PITRM1: variants seen among roughly 807,000 people sequenced by gnomAD.
PITRM1 encodes the protein presequence protease, mitochondrial.
In PITRM1, 100 loss-of-function variants were observed where a neutral mutation model predicts 129.9. The ratio of observed to expected loss-of-function variants is 0.77; its 90% CI spans 0.65 to 0.91. The LOEUF (loss-of-function observed/expected upper bound fraction) is 0.91. Among genes scored for constraint, PITRM1 ranks in the 40% least tolerant of loss-of-function variants. PITRM1 has a pLI of 0.00. For synonymous variants in PITRM1, 591 were observed against 508.8 expected, an observed-to-expected ratio of 1.16 and a Z score of -2.17; for missense variants, 1,471 against 1,318.3, an observed-to-expected ratio of 1.12 and a Z score of -1.79.
Position 3,156,832 on chromosome 10 carries a change from G to T in PITRM1, c.1482+98C>A. On this transcript the variant is annotated intron_variant, in intron 13 of 26. Coordinates refer to ENST00000224949, the MANE Select transcript of PITRM1 (RefSeq NM_014889.4). ...TTAGAAATTAAGTCACCCATTAACA[G>T]AAATTACTTAAATGTATAGATTATG... 4.0e-6 allele frequency: 3 copies of T among 745,608 alleles called. No individual in the cohort carries two copies. In the East Asian group the frequency reaches 9.7e-5, roughly 24 times the overall value. 46.2% of individuals were successfully genotyped at this position (745,608 alleles called of 1,614,324 possible).
rs748128904 is a variant in PITRM1 at position 3,160,269 on chromosome 10, G to C, written c.853C>G (p.Leu285Val). 1 of 1,613,718 alleles carries C rather than the reference G, an allele frequency of 6.2e-7. No homozygotes were observed. ...GGTTCAATTTTCTGGAATTTGCTCA[G>C]TGCTTCCTCGTGAATTTGTTTCAGA... ...QHLKQIHEEA[L>V]SKFQKIEPST... Residue 285 changes from leucine to valine, a missense_variant, in exon 8 of 27, where the codon CTG becomes GTG. Transcript: ENST00000224949.
rs112556710 is a variant in PITRM1 at position 3,167,301 on chromosome 10, G to A, written c.160-259C>T. ...AGAGAGAGAGAGCGAGCGAGCGAGC[G>A]AGCGCGAGAGCGCACGCGCTTACTA... On this transcript the variant is annotated intron_variant, in intron 2 of 26. Transcript: ENST00000224949. Among the ~76,000 whole-genome samples, 738 of 152,316 alleles carry A rather than the reference G, an allele frequency of 4.8e-3. 6 individuals are homozygous for A. The highest frequency in any genetic ancestry group is 0.017 in the African/African-American group (698 of 41,568).
chr10:3,165,368 C>T (rs764829882), intron 5 of PITRM1, 34 bp from the exon 6 acceptor site: 2 of 1,597,754 alleles, frequency 1.3e-6, no homozygotes, highest in Admixed American at 1.7e-5. Context: ...GATAGTGACT[C>T]AAATACTAAA....
chr10:3,172,667 T>A, intron 1 of PITRM1, 50 bp downstream of exon 1: 1 of 1,503,802 alleles, frequency 6.6e-7, no homozygotes. Context: ...CCCTGGACCC[T>A]CCCCTCCCGG....
chr10:3,160,524 T>C (rs1842357594), intron 7 of PITRM1, among the ~76,000 whole-genome samples, 194 bp from the exon 8 acceptor site: 1 of 152,080 alleles, frequency 6.6e-6, no homozygotes, highest in African/African-American at 2.4e-5. Context: ...TGTAACTTAT[T>C]ACAGTATATT....
intron 21 of PITRM1, among the ~76,000 whole-genome samples, chr10:3,144,751 G>C (rs7097793): frequency 0.19 from 28,374 of 152,152 alleles, 3,247 homozygotes; most frequent in Non-Finnish European, 0.26. Context: ...GCTACAGCTA[G>C]TTGTAATGGC....
rs1396890868 is a variant in PITRM1 at position 3,150,470 on chromosome 10, G to A, written c.1739-717C>T. ...CAAGCGCTGTCAGAAGACAAAAGGTGGGCTGGAGACGCTTCACAGGACACA... is the reference window on the plus strand; with the variant it reads ...CAAGCGCTGTCAGAAGACAAAAGGTAGGCTGGAGACGCTTCACAGGACACA... On this transcript the variant is annotated intron_variant, in intron 15 of 26. Coordinates refer to ENST00000224949, the MANE Select transcript of PITRM1 (RefSeq NM_014889.4). Among the ~76,000 whole-genome samples, 11 of 152,138 alleles carry A rather than the reference G, an allele frequency of 7.2e-5. No individual in the cohort carries two copies. The East Asian group carries it at 1.7e-3, about 24-fold the overall frequency.
intron 24 of PITRM1, among the ~76,000 whole-genome samples, chr10:3,139,626 GCTACCTACGTATCTACCTACATGCCTGC>G (rs1229004407): frequency 1.3e-5 from 2 of 152,176 alleles, no homozygotes; most frequent in Non-Finnish European, 2.9e-5. Flanking sequence ...AGTGGCAATG[GCTACCTACGTATCTACCTACATGCCTGC>G]CTACCTACCT....
At chr10:3,169,552 C>G (rs1472217958) in intron 2 of PITRM1, among the ~76,000 whole-genome samples, 2 of 152,196 alleles carry the variant, frequency 1.3e-5, no homozygotes, top group African/African-American at 2.4e-5. Flanking sequence ...ATACATGAAG[C>G]GTGTCATTTT....
rs778829756 is a variant in PITRM1 at position 3,163,871 on chromosome 10, CCT to C, written c.643_644del (p.Arg215AspfsTer13). The C allele has an allele frequency of 1.9e-6, 3 of 1,604,218 alleles. No homozygotes were observed. On this transcript the variant is annotated frameshift_variant, in exon 7 of 27. Coordinates refer to ENST00000224949, the MANE Select transcript of PITRM1 (RefSeq NM_014889.4). LOFTEE classifies it high-confidence loss of function. Reference protein sequence around the residue: ...EMKGAFTDNERIFSQHLQNRL... With the variant: ...EMKGAFTDNEXIFSQHLQNRL... ...TGTTCTGAAGGTGCTGGGAGAATAT[CCT>C]CTCATTGTCTGTCTTGAAACGTAAA...
chr10:3,160,605 C>T (rs899813502), intron 7 of PITRM1, among the ~76,000 whole-genome samples: 3 of 152,056 alleles, frequency 2.0e-5, no homozygotes, highest in East Asian at 1.9e-4. Flanking sequence ...ATAAATTCAA[C>T]GTTCATTCAC....
At chr10:3,140,990 G>A (rs555947054) in intron 23 of PITRM1, among the ~76,000 whole-genome samples, 178 bp from the exon 24 acceptor site, 17 of 152,282 alleles carry the variant, frequency 1.1e-4, no homozygotes, top group African/African-American at 4.1e-4. Flanking sequence ...TCGCCAGGCT[G>A]GAGTGCATTA....
intron 23 of PITRM1, 105 bp downstream of exon 23, chr10:3,143,284 G>T: frequency 1.4e-6 from 1 of 711,010 alleles, no homozygotes; most frequent in Non-Finnish European, 2.5e-6. Context: ...CTCAGAGTCA[G>T]CACAGACTTT....
In PITRM1 at chr10:3,165,330, C is replaced by T; in HGVS notation, c.538G>A (p.Glu180Lys). The change falls in exon 6 of 27, where the codon GAA becomes AAA. Residue 180 changes from glutamate to lysine, a missense_variant. By Grantham distance (56) the Glu-to-Lys change is moderately conservative. Coordinates refer to ENST00000224949, the MANE Select transcript of PITRM1 (RefSeq NM_014889.4). Reference protein sequence around the residue: ...PCLRELDFWQEGWRLEHENPS... With the variant: ...PCLRELDFWQKGWRLEHENPS... The stretch of plus-strand genomic sequence containing the variant: ...TTCTCATGTTCCAGCCGCCATCCTT[C>T]CTGCCTGAGGACAAATCATTATAAG... 4 of 1,592,888 alleles carry T rather than the reference C, an allele frequency of 2.5e-6. No homozygotes were observed. The highest frequency in any genetic ancestry group is 3.4e-6 in the Non-Finnish European group (4 of 1,169,748).
At chr10:3,172,095 G>C (rs1843419254) in intron 1 of PITRM1, 1 of 424,424 alleles carries the variant, frequency 2.4e-6, no homozygotes, top group African/African-American at 2.1e-5. Context: ...GACATGATAG[G>C]AAACTCCTGA....
At position 3,158,131 on chromosome 10, in the gene PITRM1, C is replaced by A; in HGVS notation, c.1159G>T (p.Ala387Ser). 1 of 1,604,708 alleles carries A rather than the reference C, an allele frequency of 6.2e-7. No homozygotes were observed. Residue 387 changes from alanine to serine, a missense_variant, in exon 11 of 27, where the codon GCC becomes TCC. Coordinates refer to ENST00000224949, the MANE Select transcript of PITRM1 (RefSeq NM_014889.4). The part of the protein sequence containing the change: ...DVGYNGYTRE[A>S]YFSVGLQGIA... ...CCTTGGAGGCCGACACTAAAGTAGG[C>A]CTCCCTCGTGTAGCCATTATATCTA...
At chr10:3,143,329 G>T in intron 23 of PITRM1, 60 bp downstream of exon 23, 1 of 1,081,170 alleles carries the variant, frequency 9.2e-7, no homozygotes, top group Non-Finnish European at 1.4e-6. Context: ...AACTCGAACA[G>T]CCTTGACAAG....
chr10:3,150,058 G>A (rs1423922067), intron 15 of PITRM1, among the ~76,000 whole-genome samples: 1 of 151,922 alleles, frequency 6.6e-6, no homozygotes, highest in African/African-American at 2.4e-5. Flanking sequence ...CTGACCAGGT[G>A]CCCCCGAGAC....
In PITRM1 at chr10:3,144,281, G is replaced by A. The variant is rs1353848364; in HGVS notation, c.2532+11C>T. ...CACCCGCTGGCAACCCGGATGGGCT[G>A]TGGTTCTTACCATGACCAGCTTCCT... is the stretch of plus-strand genomic sequence containing the variant. On this transcript the variant is annotated intron_variant, in intron 22 of 26. Transcript: ENST00000224949. 5.9e-6 allele frequency: 9 copies of A among 1,531,242 alleles called. No homozygotes were observed. The Admixed American group carries it at 7.8e-5, about 13-fold the overall frequency. 94.9% of individuals were successfully genotyped at this position (1,531,242 alleles called of 1,614,324 possible).
Sources: gnomAD v4.1 joint callset for allele counts (sites outside exome capture counted in the v4.1 genomes callset) on GRCh38, gnomAD v4.1.1 for gene constraint, MANE v1.5 for transcripts, NCBI Gene and HGNC (gene_info 2026-07-23, HGNC 2026-07-21) for gene names.